Variants in ZNF703 observed in about 807,000 individuals in gnomAD.
ZNF703 encodes the protein zinc finger protein 703, also known as NocA-like zinc finger 1.
In ZNF703, 18 loss-of-function variants were observed where a neutral mutation model predicts 30.7. That is an observed-to-expected ratio of 0.59 (90% CI 0.40 to 0.87). The LOEUF (loss-of-function observed/expected upper bound fraction) is 0.87. ZNF703 is among the 40% of genes least tolerant of loss of function. ZNF703 has a pLI of 0.00. For synonymous variants in ZNF703, 457 were observed against 438.6 expected, an observed-to-expected ratio of 1.04 and a Z score of -0.52; for missense variants, 814 against 847.8, an observed-to-expected ratio of 0.96 and a Z score of 0.50.
At position 37,697,536 on chromosome 8, in the gene ZNF703, C is replaced by T. The variant is rs2128904777; in HGVS notation, c.635C>T (p.Ser212Phe). The T allele has an allele frequency of 6.7e-7, 1 of 1,489,446 alleles. No individual in the cohort carries two copies. The highest frequency in any genetic ancestry group is 1.3e-5 in the South Asian group (1 of 77,344). The allele number at this position is 1,489,446 out of a possible 1,614,324, so 92.3% of individuals were successfully genotyped here. The change falls in exon 2 of 2, where the codon TCC becomes TTC. Residue 212 changes from serine to phenylalanine, a missense_variant. Transcript: ENST00000331569. ...CCGCATGGAGCGCCGGTCTCCGCATCCTCGTCCTCGTCGTCGCCCGGCGGC... is the reference window on the plus strand; with the variant it reads ...CCGCATGGAGCGCCGGTCTCCGCATTCTCGTCCTCGTCGTCGCCCGGCGGC... ...FPPHGAPVSA[S>F]SSSSSPGGSR...
rs1284383306 is a variant in ZNF703 at position 37,698,562 on chromosome 8, C to A, written c.1661C>A (p.Ser554Tyr). Residue 554 changes from serine (S) to tyrosine (Y), a missense_variant, in exon 2 of 2, where the codon TCC (serine) becomes TAC (tyrosine). Physicochemically the swap from Ser to Tyr is moderately radical, Grantham distance 144. Coordinates refer to ENST00000331569, the MANE Select transcript of ZNF703 (RefSeq NM_025069.3). ...RYHPYGKSHL[S>Y]TAGGLAVPSL... Reference sequence around the variant, plus strand: ...CACCCCTATGGCAAGAGCCACTTATCCACAGCGGGGGGCCTGGCCGTGCCG... The same window carrying A: ...CACCCCTATGGCAAGAGCCACTTATACACAGCGGGGGGCCTGGCCGTGCCG... 4 of 1,569,678 alleles carry A rather than the reference C, an allele frequency of 2.5e-6. No individual in the cohort carries two copies. Among genetic ancestry groups the A allele is most frequent in the Non-Finnish European group, 3.4e-6 (4 of 1,160,838 alleles).
Position 37,698,393 on chromosome 8 carries a change from CCCGGGG to C in ZNF703, c.1495_1500del (p.Gly499_Ala500del). On this transcript the variant is annotated inframe_deletion, in exon 2 of 2. Transcript: ENST00000331569. ...AGCCGAGAAACTTCTGGCCGCCTAC[CCCGGGG>C]CCTCGGGCCTGGGCAGCGCCGCCGC... 5.3e-6 allele frequency: 8 copies of C among 1,521,326 alleles called. No individual in the cohort carries two copies. The highest frequency in any genetic ancestry group is 7.0e-6 in the Non-Finnish European group (8 of 1,135,420). The allele number at this position is 1,521,326 out of a possible 1,614,324, so 94.2% of individuals were successfully genotyped here.
chr8:37,698,930 C>A lies in ZNF703; in HGVS notation c.*256C>A, dbSNP rs1802123505. 1 of 382,518 alleles carries A rather than the reference C, an allele frequency of 2.6e-6. No individual in the cohort carries two copies. Among genetic ancestry groups the A allele is most frequent in the Non-Finnish European group, 4.6e-6 (1 of 216,568 alleles). The allele number at this position is 382,518 out of a possible 1,614,324, so 23.7% of individuals were successfully genotyped here. On this transcript the variant is annotated 3_prime_UTR_variant, in exon 2 of 2. Transcript: ENST00000331569. ...TTCTCCCAAATAATAATATTAATCC[C>A]ACAAATAACGACATGATCCCCGCCC... is the stretch of plus-strand genomic sequence containing the variant.
Position 37,697,315 on chromosome 8 carries a change from G to C in ZNF703, c.414G>C (p.Ala138=). 6.4e-7 allele frequency: 1 copy of C among 1,562,778 alleles called. No individual in the cohort carries two copies. Among genetic ancestry groups the C allele is most frequent in the Non-Finnish European group, 8.7e-7 (1 of 1,155,872 alleles). Residue 138 remains alanine, a synonymous_variant, in exon 2 of 2, where the codon GCG becomes GCC. Coordinates refer to ENST00000331569, the MANE Select transcript of ZNF703 (RefSeq NM_025069.3). ...CCCCGGGCGCCGCCTCCGCAGCCGC[G>C]GCCCTGAAGCAGCTGGGGGACTCAC... ...RSAPGAASAA[A]ALKQLGDSPA...
In ZNF703 at chr8:37,697,277, C is replaced by T. The variant is rs767930521; in HGVS notation, c.376C>T (p.Pro126Ser). The change falls in exon 2 of 2, where the codon CCC (proline) becomes TCC (serine). Residue 126 changes from proline (P) to serine (S), a missense_variant. Pro to Ser is a moderately conservative substitution (Grantham distance 74). Coordinates refer to ENST00000331569, the MANE Select transcript of ZNF703 (RefSeq NM_025069.3). ...AANGLGAEKD[P>S]GRSAPGAASA... ...CAACGGGCTGGGAGCGGAGAAGGAC[C>T]CCGGCCGCTCAGCCCCGGGCGCCGC... is the stretch of plus-strand genomic sequence containing the variant. The T allele has an allele frequency of 6.4e-7, 1 of 1,572,252 alleles. No homozygotes were observed. The highest frequency in any genetic ancestry group is 8.6e-7 in the Non-Finnish European group (1 of 1,161,850).
chr8:37,696,102 C>T lies in ZNF703; in HGVS notation c.123C>T (p.Pro41=). Residue 41 remains proline (P), a synonymous_variant, in exon 1 of 2, where the codon CCC becomes CCT. Transcript: ENST00000331569. The surrounding 1 kb of genome is among the most constrained non-coding windows in gnomAD (Gnocchi z 8.2). Reference sequence around the variant, plus strand: ...TGTCCCTCTTGCCACCGGCGGACCCCCTGCGCCAGGCGAACCGGCTCCCGA... The same window carrying T: ...TGTCCCTCTTGCCACCGGCGGACCCTCTGCGCCAGGCGAACCGGCTCCCGA... The part of the protein sequence containing the change: ...AAVSLLPPAD[P]LRQANRLPIR... 6.2e-7 allele frequency: 1 copy of T among 1,600,712 alleles called. No individual in the cohort carries two copies. The highest frequency in any genetic ancestry group is 8.5e-7 in the Non-Finnish European group (1 of 1,174,242).
At position 37,697,587 on chromosome 8, in the gene ZNF703, C is replaced by A; in HGVS notation, c.686C>A (p.Ser229Tyr). 2 of 1,441,700 alleles carry A rather than the reference C, an allele frequency of 1.4e-6. No homozygotes were observed. Among genetic ancestry groups the A allele is most frequent in the South Asian group, 1.5e-5 (1 of 68,964 alleles). 89.3% of individuals were successfully genotyped at this position (1,441,700 alleles called of 1,614,324 possible). ...GGSRGGSPHH[S>Y]DCKNGGGVGG... ...TCCCGCGGCGGCTCCCCGCACCACT[C>A]TGACTGCAAGAACGGCGGCGGGGTT... The change falls in exon 2 of 2, where the codon TCT (serine) becomes TAT (tyrosine). Residue 229 changes from serine (S) to tyrosine (Y), a missense_variant. Coordinates refer to ENST00000331569, the MANE Select transcript of ZNF703 (RefSeq NM_025069.3).
rs751879771 is a variant in ZNF703, at chr8:37,697,802, C to T, written c.901C>T (p.Pro301Ser). Reference protein sequence around the residue: ...GHVAPVSPYKPGHSVFPLPPS... With the variant: ...GHVAPVSPYKSGHSVFPLPPS... ...CGTGGCGCCGGTGTCTCCCTACAAGCCGGGCCACTCGGTGTTCCCGCTGCC... is the reference window on the plus strand; with the variant it reads ...CGTGGCGCCGGTGTCTCCCTACAAGTCGGGCCACTCGGTGTTCCCGCTGCC... The change falls in exon 2 of 2, where the codon CCG (proline) becomes TCG (serine). Residue 301 changes from proline (P) to serine (S), a missense_variant. Coordinates refer to ENST00000331569, the MANE Select transcript of ZNF703 (RefSeq NM_025069.3). 2 of 1,530,394 alleles carry T rather than the reference C, an allele frequency of 1.3e-6. No homozygotes were observed. The highest frequency in any genetic ancestry group is 1.7e-6 in the Non-Finnish European group (2 of 1,144,558). 94.8% of individuals were successfully genotyped at this position (1,530,394 alleles called of 1,614,324 possible).
chr8:37,698,699 CCCCTCACCCTCCT>C lies in ZNF703; in HGVS notation c.*31_*43del, dbSNP rs746466106. Reference sequence around the variant, plus strand: ...ACTACAGCTCTTCCTCCACCCCAGCCCCCTCACCCTCCTCCCTCTCCCTCCTCCTCCCTCCCCA... The same window carrying C: ...ACTACAGCTCTTCCTCCACCCCAGCCCCCTCTCCCTCCTCCTCCCTCCCCA... On this transcript the variant is annotated 3_prime_UTR_variant, in exon 2 of 2. Transcript: ENST00000331569. 2 of 1,406,772 alleles carry C rather than the reference CCCCTCACCCTCCT, an allele frequency of 1.4e-6. No individual in the cohort carries two copies. The highest frequency in any genetic ancestry group is 3.0e-5 in the African/African-American group (2 of 66,708). The allele number at this position is 1,406,772 out of a possible 1,614,324, so 87.1% of individuals were successfully genotyped here.
At position 37,698,210 on chromosome 8, in the gene ZNF703, C is replaced by A. The variant is rs1219235008; in HGVS notation, c.1309C>A (p.Leu437Ile). ...ALSSSAAQAA[L>I]PGHPLYTYGF... ...CTCGTCCAGCGCCGCCCAGGCCGCG[C>A]TCCCCGGCCACCCGCTCTACACCTA... Residue 437 changes from leucine to isoleucine, a missense_variant, in exon 2 of 2, where the codon CTC (leucine) becomes ATC (isoleucine). Physicochemically the swap from Leu to Ile is conservative, Grantham distance 5. Transcript: ENST00000331569. The A allele has an allele frequency of 3.9e-6, 6 of 1,520,550 alleles. No individual in the cohort carries two copies. Among genetic ancestry groups the A allele is most frequent in the Non-Finnish European group, 5.3e-6 (6 of 1,140,978 alleles). 94.2% of individuals were successfully genotyped at this position (1,520,550 alleles called of 1,614,324 possible).
Position 37,696,039 on chromosome 8 carries a change from C to T in ZNF703, c.60C>T (p.Ser20=). The change falls in exon 1 of 2, where the codon AGC becomes AGT. Residue 20 remains serine (S), a synonymous_variant. Transcript: ENST00000331569. The surrounding 1 kb of genome is among the most constrained non-coding windows in gnomAD (Gnocchi z 8.2). ...PRTPESSGSG[S]GGGGKRPAVP... The stretch of plus-strand genomic sequence containing the variant: ...CACCCGAAAGCAGCGGCAGCGGCAG[C>T]GGCGGCGGCGGGAAGAGGCCGGCGG... 3.2e-6 allele frequency: 5 copies of T among 1,554,530 alleles called. No individual in the cohort carries two copies. Among genetic ancestry groups the T allele is most frequent in the Non-Finnish European group, 4.3e-6 (5 of 1,149,874 alleles).
rs1215161629 is a variant in ZNF703 at position 37,696,589 on chromosome 8, G to C, written c.243+367G>C. Among the ~76,000 whole-genome samples the C allele has an allele frequency of 6.6e-6, 1 of 152,142 alleles. No homozygotes were observed. Among genetic ancestry groups the C allele is most frequent in the East Asian group, 1.9e-4 (1 of 5,170 alleles). ...CCGGGCTGTTTTCTTTGAAGCCCTG[G>C]CTGCCCGGGTCCCACTTCGCCTCTG... is the stretch of plus-strand genomic sequence containing the variant. On this transcript the variant is annotated intron_variant, in intron 1 of 1. Coordinates refer to ENST00000331569, the MANE Select transcript of ZNF703 (RefSeq NM_025069.3). This position sits in a 1 kb window ranked among gnomAD's most constrained non-coding sequence, Gnocchi z 8.2.
In ZNF703 at chr8:37,697,588, T is replaced by G; in HGVS notation, c.687T>G (p.Ser229=). ...GGSRGGSPHH[S]DCKNGGGVGG... is the part of the protein sequence containing the mutation. ...CCCGCGGCGGCTCCCCGCACCACTC[T>G]GACTGCAAGAACGGCGGCGGGGTTG... Residue 229 remains serine, a synonymous_variant, in exon 2 of 2, where the codon TCT becomes TCG. Coordinates refer to ENST00000331569, the MANE Select transcript of ZNF703 (RefSeq NM_025069.3). 7.0e-7 allele frequency: 1 copy of G among 1,437,800 alleles called. No homozygotes were observed. Among genetic ancestry groups the G allele is most frequent in the Non-Finnish European group, 9.1e-7 (1 of 1,102,034 alleles). 89.1% of individuals were successfully genotyped at this position (1,437,800 alleles called of 1,614,324 possible).
rs1802098163 is a variant in ZNF703 at position 37,697,827 on chromosome 8, C to A, written c.926C>A (p.Pro309Gln). 1.3e-6 allele frequency: 2 copies of A among 1,534,686 alleles called. No individual in the cohort carries two copies. The highest frequency in any genetic ancestry group is 1.7e-6 in the Non-Finnish European group (2 of 1,146,340). ...YKPGHSVFPL[P>Q]PSSIGYHGSI... is the part of the protein sequence containing the mutation. ...CCGGGCCACTCGGTGTTCCCGCTGC[C>A]GCCCTCCAGCATTGGCTACCACGGC... The change falls in exon 2 of 2, where the codon CCG becomes CAG. Residue 309 changes from proline to glutamine, a missense_variant. Coordinates refer to ENST00000331569, the MANE Select transcript of ZNF703 (RefSeq NM_025069.3).
In ZNF703 at chr8:37,695,958, C is replaced by G. The variant is rs1048428220; in HGVS notation, c.-22C>G. ...GTGCTCCCCCGCCCTCCCCGCCCCCCCAGCGGCGCTGCCTCCTCCAAATGA... is the reference window on the plus strand; with the variant it reads ...GTGCTCCCCCGCCCTCCCCGCCCCCGCAGCGGCGCTGCCTCCTCCAAATGA... On this transcript the variant is annotated 5_prime_UTR_variant, in exon 1 of 2. Transcript: ENST00000331569. 3.4e-6 allele frequency: 5 copies of G among 1,482,046 alleles called. No homozygotes were observed. In the Admixed American group the frequency reaches 6.7e-5, roughly 20 times the overall value. 91.8% of individuals were successfully genotyped at this position (1,482,046 alleles called of 1,614,324 possible).
chr8:37,698,249 C>A lies in ZNF703; in HGVS notation c.1348C>A (p.Gln450Lys). The change falls in exon 2 of 2, where the codon CAG (glutamine) becomes AAG (lysine). Residue 450 changes from glutamine (Q) to lysine (K), a missense_variant. By Grantham distance (53) the Gln-to-Lys change is moderately conservative (BLOSUM62 1). Transcript: ENST00000331569. Reference protein sequence around the residue: ...HPLYTYGFMLQNEPLPHSCNW... With the variant: ...HPLYTYGFMLKNEPLPHSCNW... The stretch of plus-strand genomic sequence containing the variant: ...GCTCTACACCTACGGCTTCATGCTG[C>A]AGAACGAACCGCTGCCGCACAGCTG... The A allele has an allele frequency of 6.5e-7, 1 of 1,538,246 alleles. No individual in the cohort carries two copies. The highest frequency in any genetic ancestry group is 8.7e-7 in the Non-Finnish European group (1 of 1,147,934).
chr8:37,695,964 G>C lies in ZNF703; in HGVS notation c.-16G>C, dbSNP rs767303378. 1.3e-6 allele frequency: 2 copies of C among 1,496,684 alleles called. No homozygotes were observed. Among genetic ancestry groups the C allele is most frequent in the Admixed American group, 4.3e-5 (2 of 46,770 alleles). The allele number at this position is 1,496,684 out of a possible 1,614,324, so 92.7% of individuals were successfully genotyped here. ...CCCCGCCCTCCCCGCCCCCCCAGCG[G>C]CGCTGCCTCCTCCAAATGAGCGATT... On this transcript the variant is annotated 5_prime_UTR_variant, in exon 1 of 2. Coordinates refer to ENST00000331569, the MANE Select transcript of ZNF703 (RefSeq NM_025069.3).
At position 37,697,785 on chromosome 8, in the gene ZNF703, C is replaced by G; in HGVS notation, c.884C>G (p.Pro295Arg). 1 of 1,512,552 alleles carries G rather than the reference C, an allele frequency of 6.6e-7. No individual in the cohort carries two copies. Among genetic ancestry groups the G allele is most frequent in the Admixed American group, 2.0e-5 (1 of 49,158 alleles). 93.7% of individuals were successfully genotyped at this position (1,512,552 alleles called of 1,614,324 possible). ...SALVGAGHVA[P>R]VSPYKPGHSV... ...CTGGTGGGGGCCGGCCACGTGGCGCCGGTGTCTCCCTACAAGCCGGGCCAC... is the reference window on the plus strand; with the variant it reads ...CTGGTGGGGGCCGGCCACGTGGCGCGGGTGTCTCCCTACAAGCCGGGCCAC... Residue 295 changes from proline (P) to arginine (R), a missense_variant, in exon 2 of 2, where the codon CCG (proline) becomes CGG (arginine). Transcript: ENST00000331569.
At chr8:37,697,006 C>T in intron 1 of ZNF703, 139 bp from the exon 2 acceptor site, 2 of 1,074,618 alleles carry the variant, frequency 1.9e-6, no homozygotes, top group Non-Finnish European at 2.4e-6. Flanking sequence ...CGCGCCCGGC[C>T]CGGCCCTCGC....
Sources: allele counts gnomAD v4.1 joint callset (sites outside exome capture counted in the v4.1 genomes callset), GRCh38; gene constraint gnomAD v4.1.1; non-coding constraint Gnocchi (gnomAD v3.1); transcripts MANE v1.5; gene names NCBI Gene and HGNC (gene_info 2026-07-23, HGNC 2026-07-21).